BMS1: variants seen among roughly 807,000 people sequenced by gnomAD.
BMS1 encodes the protein ribosome biogenesis protein BMS1 homolog.
Under a neutral mutation model 138.7 loss-of-function variants are expected in BMS1, and 53 were observed. The ratio of observed to expected loss-of-function variants is 0.38; its 90% CI spans 0.31 to 0.48. The LOEUF is 0.48. Ranked by LOEUF, BMS1 falls within the 20% of genes least tolerant of loss-of-function variation. The pLI is 0.97. For missense variants in BMS1, 1,360 were observed against 1,565.5 expected, an observed-to-expected ratio of 0.87 and a Z score of 2.22; for synonymous variants, 504 against 539.9, an observed-to-expected ratio of 0.93 and a Z score of 0.92.
At chr10:42,815,383 A>T (rs1251647044) in intron 13 of BMS1, among the ~76,000 whole-genome samples, 2 of 152,200 alleles carry the variant, frequency 1.3e-5, no homozygotes, top group Non-Finnish European at 2.9e-5. Flanking sequence ...TTTTAAAAAA[A>T]TAAAGTTCTG....
intron 13 of BMS1, among the ~76,000 whole-genome samples, chr10:42,815,183 CT>C (rs1842309474): frequency 1.3e-5 from 2 of 152,250 alleles, no homozygotes; most frequent in East Asian, 1.9e-4. Flanking sequence ...GATGTTGAGT[CT>C]TTCTTTTCAA....
At position 42,797,121 on chromosome 10, in the gene BMS1, G is replaced by A; in HGVS notation, c.1877G>A (p.Gly626Asp). The A allele has an allele frequency of 1.9e-6, 3 of 1,614,216 alleles. No homozygotes were observed. The highest frequency in any genetic ancestry group is 1.7e-6 in the Non-Finnish European group (2 of 1,180,032). Residue 626 changes from glycine (G) to aspartate (D), a missense_variant, in exon 10 of 23, where the codon GGT (glycine) becomes GAT (aspartate). Physicochemically the swap from Gly to Asp is moderately conservative, Grantham distance 94. Coordinates refer to ENST00000374518, the MANE Select transcript of BMS1 (RefSeq NM_014753.4). ...TCAAAGCCTTCTCAAGTGAGCAGTGGTCAGAAACTGGGGCCACAGAACTTC... is the reference window on the plus strand; with the variant it reads ...TCAAAGCCTTCTCAAGTGAGCAGTGATCAGAAACTGGGGCCACAGAACTTC... Reference protein sequence around the residue: ...KLSKPSQVSSGQKLGPQNFID... With the variant: ...KLSKPSQVSSDQKLGPQNFID...
Position 42,796,520 on chromosome 10 carries a change from C to T in BMS1, c.1276C>T (p.Arg426Ter). Residue 426 changes from arginine (R) to a stop codon, truncating the protein, a stop_gained, in exon 10 of 23, where the codon CGA (arginine) becomes TGA (stop). Coordinates refer to ENST00000374518, the MANE Select transcript of BMS1 (RefSeq NM_014753.4). LOFTEE classifies it high-confidence loss of function. The stretch of plus-strand genomic sequence containing the variant: ...AAAACAAATGGACTTGAACACTGGT[C>T]GAATGCGTCGGAAAGCCATTTTCGG... ...EEKQMDLNTG[R>*]MRRKAIFGDE... 1 of 1,613,994 alleles carries T rather than the reference C, an allele frequency of 6.2e-7. No individual in the cohort carries two copies. Among genetic ancestry groups the T allele is most frequent in the Non-Finnish European group, 8.5e-7 (1 of 1,180,020 alleles).
At chr10:42,801,698 T>C (rs762546712) in intron 12 of BMS1, among the ~76,000 whole-genome samples, 3 of 152,252 alleles carry the variant, frequency 2.0e-5, no homozygotes, top group Non-Finnish European at 4.4e-5. Context: ...ATGCGTTGTT[T>C]ATATATTCTG....
intron 15 of BMS1, 116 bp downstream of exon 15, chr10:42,817,610 C>T: frequency 9.7e-7 from 1 of 1,031,172 alleles, no homozygotes. Flanking sequence ...TGCTTCTGTG[C>T]CTTTCATTCG....
At chr10:42,792,380 G>A in intron 6 of BMS1, 113 bp from the exon 7 acceptor site, 1 of 1,432,380 alleles carries the variant, frequency 7.0e-7, no homozygotes, top group African/African-American at 1.4e-5. Flanking sequence ...GCATTTTCTA[G>A]TTTTCTAAAT....
chr10:42,803,113 G>T (rs1004583324), intron 13 of BMS1, among the ~76,000 whole-genome samples: 1 of 152,028 alleles, frequency 6.6e-6, no homozygotes, highest in African/African-American at 2.4e-5. Context: ...CCTCAACCTC[G>T]CAGACTGAAG....
intron 3 of BMS1, among the ~76,000 whole-genome samples, chr10:42,786,131 G>A (rs1183260547): frequency 6.6e-6 from 1 of 152,190 alleles, no homozygotes; most frequent in African/African-American, 2.4e-5. Context: ...ATGTTCCTTG[G>A]AAGGGCCTAG....
Position 42,798,511 on chromosome 10 carries a change from G to A in BMS1, c.2133G>A (p.Glu711=). 1 of 1,614,226 alleles carries A rather than the reference G, an allele frequency of 6.2e-7. No homozygotes were observed. Among genetic ancestry groups the A allele is most frequent in the South Asian group, 1.1e-5 (1 of 91,088 alleles). Residue 711 remains glutamate (E), a synonymous_variant, in exon 12 of 23, where the codon GAG becomes GAA. Transcript: ENST00000374518. ...AAGAAGATGATGATACTCTAGAAGA[G>A]CTTGGAGGGTTGTTTCGTGTCAACC... is the stretch of plus-strand genomic sequence containing the variant. ...NEEEDDDTLE[E]LGGLFRVNQP...
In BMS1 at chr10:42,784,442, C is replaced by T. The variant is rs758272120; in HGVS notation, c.48C>T (p.Pro16=). ...QKKHRKKNSG[P]KAAKKKKRLL... ...AACACAGAAAGAAAAACAGTGGACC[C>T]AAAGCTGCAAAGAAAAAGAAGCGGC... The change falls in exon 2 of 23, where the codon CCC becomes CCT. Residue 16 remains proline (P), a synonymous_variant. Transcript: ENST00000374518. The T allele has an allele frequency of 3.7e-6, 6 of 1,613,040 alleles. No homozygotes were observed. The highest frequency in any genetic ancestry group is 1.1e-5 in the South Asian group (1 of 91,042).
Position 42,834,181 on chromosome 10 carries a change from T to G in BMS1, c.*3085T>G, listed in dbSNP as rs1842840749. ...ACATATCATTCCATGCCATTAAATA[T>G]TCTTATTTAATCATAGATGTGTTCA... On this transcript the variant is annotated 3_prime_UTR_variant, in exon 23 of 23. Coordinates refer to ENST00000374518, the MANE Select transcript of BMS1 (RefSeq NM_014753.4). 1 of 152,210 alleles carries G rather than the reference T, an allele frequency of 6.6e-6. No homozygotes were observed. The highest frequency in any genetic ancestry group is 1.5e-5 in the Non-Finnish European group (1 of 68,042). 9.4% of individuals were successfully genotyped at this position (152,210 alleles called of 1,614,324 possible).
At chr10:42,811,746 G>T (rs1009285071) in intron 13 of BMS1, among the ~76,000 whole-genome samples, 3 of 150,758 alleles carry the variant, frequency 2.0e-5, no homozygotes, top group Non-Finnish European at 4.4e-5. Flanking sequence ...GGATGGTCTC[G>T]ATCTCCTGAC....
intron 19 of BMS1, among the ~76,000 whole-genome samples, chr10:42,822,414 AG>A (rs1281184284): frequency 2.0e-5 from 3 of 152,224 alleles, no homozygotes; most frequent in Non-Finnish European, 4.4e-5. Flanking sequence ...CTTCCATGTG[AG>A]ACTGCCACAT....
At position 42,799,446 on chromosome 10, in the gene BMS1, A is replaced by G. The variant is rs73254214; in HGVS notation, c.2247+821A>G. On this transcript the variant is annotated intron_variant, in intron 12 of 22. Transcript: ENST00000374518. ...TCTTCTGGAATGTTCTGATTTTCCA[A>G]AGGCTGCTTTCTTTTTGTCAATTCA... Among the ~76,000 whole-genome samples, 522 of 152,218 alleles carry G rather than the reference A, an allele frequency of 3.4e-3. 2 individuals are homozygous for G. The highest frequency in any genetic ancestry group is 0.012 in the African/African-American group (498 of 41,526).
chr10:42,796,831 C>G lies in BMS1; in HGVS notation c.1587C>G (p.Asp529Glu). The change falls in exon 10 of 23, where the codon GAC becomes GAG. Residue 529 changes from aspartate (D) to glutamate (E), a missense_variant. Physicochemically the swap from Asp to Glu is conservative, Grantham distance 45 (BLOSUM62 2). Coordinates refer to ENST00000374518, the MANE Select transcript of BMS1 (RefSeq NM_014753.4). ...CTGATGAAAGCAGTGAAGAAGAGGA[C>G]TGCACTGCAGGAGAGAAGGGCATTT... The part of the protein sequence containing the change: ...EEADESSEEE[D>E]CTAGEKGISG... The G allele has an allele frequency of 6.2e-7, 1 of 1,614,192 alleles. No homozygotes were observed. Among genetic ancestry groups the G allele is most frequent in the Non-Finnish European group, 8.5e-7 (1 of 1,180,032 alleles).
chr10:42,804,858 C>T (rs1841970357), intron 13 of BMS1, among the ~76,000 whole-genome samples: 1 of 151,984 alleles, frequency 6.6e-6, no homozygotes, highest in Non-Finnish European at 1.5e-5. Flanking sequence ...ACTGGGATTA[C>T]AGGCGCCCGC....
intron 14 of BMS1, among the ~76,000 whole-genome samples, 170 bp from the exon 15 acceptor site, chr10:42,817,148 A>G (rs1189047016): frequency 2.6e-5 from 4 of 152,246 alleles, no homozygotes; most frequent in African/African-American, 7.2e-5. Context: ...TTCCTGTAGC[A>G]GTACCATGTT....
At chr10:42,821,542 C>CTTTTTTTT (rs34272995) in intron 18 of BMS1, among the ~76,000 whole-genome samples, 3 of 68,594 alleles carry the variant, frequency 4.4e-5, no homozygotes, top group African/African-American at 1.9e-4. Context: ...CTCAAGGCGC[C>CTTTTTTTT]TTTTTTTTTT....
At chr10:42,818,609 T>A (rs1258114963) in intron 15 of BMS1, among the ~76,000 whole-genome samples, 2 of 152,142 alleles carry the variant, frequency 1.3e-5, no homozygotes, top group Non-Finnish European at 2.9e-5. Flanking sequence ...TGTTGTAAGT[T>A]AGATAGGAAA....
Sources: allele counts gnomAD v4.1 joint callset (sites outside exome capture counted in the v4.1 genomes callset), GRCh38; gene constraint gnomAD v4.1.1; transcripts MANE v1.5; gene names NCBI Gene and HGNC (gene_info 2026-07-23, HGNC 2026-07-21).